The following LIFR variants were observed in gnomAD, a reference collection of about 807,000 sequenced individuals.
The protein encoded by LIFR is LIF receptor subunit alpha.
A neutral mutation model predicts 122.2 loss-of-function variants in LIFR; 84 were observed. The observed-to-expected ratio is 0.69, with a 90% confidence interval of 0.58 to 0.82. The LOEUF (loss-of-function observed/expected upper bound fraction) is 0.82, where lower values mean the gene tolerates loss of function less well. LIFR is among the 40% of genes least tolerant of loss of function. The pLI is 0.00. For missense variants in LIFR, 1,294 were observed against 1,311.6 expected (o/e 0.99, Z 0.21); for synonymous variants, 422 against 434.7 (o/e 0.97, Z 0.36).
At chr5:38,499,365 G>A (rs943449089) in intron 12 of LIFR, 148 bp downstream of exon 12, 3 of 646,600 alleles carry the variant, frequency 4.6e-6, no homozygotes, top group Non-Finnish European at 2.8e-6. Context: ...AGGAATTTGG[G>A]GGGTTTAGGA....
chr5:38,526,439 GTGTA>G lies in LIFR; in HGVS notation c.397+712_397+715del, dbSNP rs1190613608. On this transcript the variant is annotated intron_variant, in intron 4 of 19. Coordinates refer to ENST00000453190, the MANE Select transcript of LIFR (RefSeq NM_001127671.2). Reference sequence around the variant, plus strand: ...ACTGTGTGTGTGTGTGTGTGTGTGTGTGTATATATATATATATAAAATCTTGTTT... The same window carrying G: ...ACTGTGTGTGTGTGTGTGTGTGTGTGTATATATATATATAAAATCTTGTTT... Among the ~76,000 whole-genome samples the G allele has an allele frequency of 1.4e-3, 190 of 134,136 alleles. 1 individual carries two copies. Among genetic ancestry groups the G allele is most frequent in the African/African-American group, 3.0e-3 (113 of 37,282 alleles). 88.0% of individuals were successfully genotyped at this position (134,136 alleles called of 152,430 possible). A position where few individuals can be genotyped will look rare whatever the true frequency, so the allele number is the denominator to read the frequency against.
intron 7 of LIFR, among the ~76,000 whole-genome samples, chr5:38,509,946 C>T (rs1418903358): frequency 6.6e-6 from 1 of 152,150 alleles, no homozygotes; most frequent in Non-Finnish European, 1.5e-5. Context: ...ATATAGAACG[C>T]AGTGGGAGAG....
upstream of LIFR, chr5:38,558,395 T>A (rs1356235028): frequency 6.6e-6 from 1 of 152,054 alleles, no homozygotes; most frequent in Non-Finnish European, 1.5e-5. Flanking sequence ...AGATTCAGAG[T>A]AGTGATAATG....
At chr5:38,513,783 C>T (rs1001078806) in intron 5 of LIFR, among the ~76,000 whole-genome samples, 3 of 152,118 alleles carry the variant, frequency 2.0e-5, no homozygotes, top group East Asian at 1.9e-4. Context: ...AAGTCCTATC[C>T]AGAGAAACCA....
chr5:38,501,856 G>C (rs566485899), intron 11 of LIFR, among the ~76,000 whole-genome samples: 1 of 151,380 alleles, frequency 6.6e-6, no homozygotes, highest in South Asian at 2.1e-4. Context: ...TAGAAAACCA[G>C]TTACCTGATT....
chr5:38,582,742 A>T (rs1457131751), intron 1 of LIFR, among the ~76,000 whole-genome samples: 1 of 151,822 alleles, frequency 6.6e-6, no homozygotes, highest in Non-Finnish European at 1.5e-5. Flanking sequence ...ATCCCCTGCC[A>T]GCATTTCACT....
chr5:38,482,094 C>A lies in LIFR; in HGVS notation c.2795G>T (p.Arg932Leu). Residue 932 changes from arginine (R) to leucine (L), a missense_variant, in exon 20 of 20, where the codon CGT (arginine) becomes CTT (leucine). Transcript: ENST00000453190. ...CTCTGCATCAGAGCGATCTTCAGGA[C>A]GCTCAGCTACTGGGGAAATTATTTC... is the stretch of plus-strand genomic sequence containing the variant. ...DTEIISPVAERPEDRSDAEPE... is the reference protein window; with the variant it reads ...DTEIISPVAELPEDRSDAEPE... 1 of 1,593,918 alleles carries A rather than the reference C, an allele frequency of 6.3e-7. No individual in the cohort carries two copies. The highest frequency in any genetic ancestry group is 2.2e-5 in the East Asian group (1 of 44,758).
chr5:38,557,073 A>G (rs944762105), upstream of LIFR: 1 of 152,234 alleles, frequency 6.6e-6, no homozygotes, highest in African/African-American at 2.4e-5. Context: ...CTCTGTAACC[A>G]CTGCACACAA....
intron 1 of LIFR, among the ~76,000 whole-genome samples, chr5:38,553,624 A>C (rs1401094903): frequency 1.6e-3 from 21 of 12,940 alleles, no homozygotes; most frequent in Non-Finnish European, 2.3e-3. Context: ...CATTTAAACT[A>C]TATATATATA....
At chr5:38,586,692 C>A (rs1749761293) in intron 1 of LIFR, among the ~76,000 whole-genome samples, 1 of 152,072 alleles carries the variant, frequency 6.6e-6, no homozygotes. Flanking sequence ...GTTAGGGATG[C>A]TTACACCTGG....
At chr5:38,492,832 A>T (rs1744667878) in intron 14 of LIFR, among the ~76,000 whole-genome samples, 1 of 152,174 alleles carries the variant, frequency 6.6e-6, no homozygotes, top group Non-Finnish European at 1.5e-5. Flanking sequence ...GGGTCCAGAA[A>T]TCCCATGGGG....
chr5:38,479,822 A>G lies in LIFR; in HGVS notation c.*1773T>C, dbSNP rs984574111. The stretch of plus-strand genomic sequence containing the variant: ...TCTTTAGGGATGGCTCTGATTGGAT[A>G]TATTTTTCATTACTGAACATTTCTA... On this transcript the variant is annotated 3_prime_UTR_variant, in exon 20 of 20. Transcript: ENST00000453190. The G allele has an allele frequency of 8.7e-6, 2 of 229,186 alleles. No individual in the cohort carries two copies. Among genetic ancestry groups the G allele is most frequent in the African/African-American group, 4.4e-5 (2 of 45,106 alleles). The allele number at this position is 229,186 out of a possible 1,614,324, so 14.2% of individuals were successfully genotyped here.
intron 1 of LIFR, among the ~76,000 whole-genome samples, chr5:38,534,498 T>C (rs1747189049): frequency 6.6e-6 from 1 of 152,208 alleles, no homozygotes; most frequent in South Asian, 2.1e-4. Context: ...AGGACATAGC[T>C]GCAGTAACAA....
upstream of LIFR, chr5:38,556,729 C>G (rs1280727935): frequency 1.4e-5 from 2 of 144,486 alleles, no homozygotes; most frequent in African/African-American, 5.0e-5. Context: ...CCCCTGCCCC[C>G]GGCCCCGGCC....
upstream of LIFR, among the ~76,000 whole-genome samples, chr5:38,598,244 T>A (rs1324835751): frequency 1.2e-4 from 4 of 34,280 alleles, no homozygotes; most frequent in Admixed American, 3.2e-4. Flanking sequence ...TTTATTTATT[T>A]ATTTTTTTTT....
intron 1 of LIFR, among the ~76,000 whole-genome samples, chr5:38,538,923 C>T (rs1237348743): frequency 2.0e-5 from 3 of 152,310 alleles, no homozygotes; most frequent in Non-Finnish European, 4.4e-5. Context: ...CTTCTTCCAC[C>T]TCCTCTACTC....
intron 1 of LIFR, among the ~76,000 whole-genome samples, chr5:38,537,380 T>G (rs558373760): frequency 1.3e-5 from 2 of 152,330 alleles, no homozygotes; most frequent in South Asian, 4.1e-4. Flanking sequence ...CTTTCGGGAC[T>G]CACGCTATCA....
intron 1 of LIFR, among the ~76,000 whole-genome samples, chr5:38,574,561 C>T (rs551799623): frequency 2.6e-5 from 4 of 152,268 alleles, no homozygotes; most frequent in African/African-American, 9.6e-5. Context: ...ATTTAATCTT[C>T]TCAACAATTT....
intron 1 of LIFR, among the ~76,000 whole-genome samples, chr5:38,567,776 A>G (rs964655307): frequency 6.6e-6 from 1 of 151,958 alleles, no homozygotes; most frequent in African/African-American, 2.4e-5. Flanking sequence ...TGATCTGCCC[A>G]CCTCAACCTC....
Sources: allele counts gnomAD v4.1 joint callset (sites outside exome capture counted in the v4.1 genomes callset), GRCh38; gene constraint gnomAD v4.1.1; transcripts MANE v1.5; gene names NCBI Gene and HGNC (gene_info 2026-07-23, HGNC 2026-07-21).